The following MPRIP variants were observed in gnomAD, a reference collection of about 807,000 sequenced individuals.
MPRIP encodes the protein myosin phosphatase Rho interacting protein.
MPRIP carries 59 observed loss-of-function variants against 234.9 expected under a neutral mutation model. The observed-to-expected ratio is 0.25, with a 90% CI of 0.20 to 0.31. The LOEUF (loss-of-function observed/expected upper bound fraction) is 0.31, where lower values mean the gene tolerates loss of function less well. Among genes scored for constraint, MPRIP ranks in the 10% least tolerant of loss-of-function variants. MPRIP has a pLI of 1.00. For missense variants in MPRIP, 2,436 were observed against 3,071.0 expected, an observed-to-expected ratio of 0.79 and a Z score of 4.89; for synonymous variants, 1,144 against 1,263.9, an observed-to-expected ratio of 0.91 and a Z score of 2.01.
chr17:17,178,292 G>A (rs2046300771), intron 22 of MPRIP: 1 of 152,224 alleles, frequency 6.6e-6, no homozygotes, highest in Non-Finnish European at 1.5e-5. Flanking sequence ...AGGAAAAGAT[G>A]TGCTAGCTCA....
chr17:17,113,273 A>G (rs959550901), intron 3 of MPRIP, among the ~76,000 whole-genome samples: 14 of 152,252 alleles, frequency 9.2e-5, no homozygotes, highest in African/African-American at 3.1e-4. Context: ...GCTGGGGTAT[A>G]GGTCAGGTAC....
intron 3 of MPRIP, among the ~76,000 whole-genome samples, chr17:17,088,328 T>C (rs1407345468): frequency 1.3e-5 from 2 of 152,212 alleles, no homozygotes; most frequent in Non-Finnish European, 2.9e-5. Flanking sequence ...GACGGTACCC[T>C]GCAGCGTGAA....
intron 1 of MPRIP, among the ~76,000 whole-genome samples, chr17:17,056,577 A>G (rs1007587789): frequency 1.7e-4 from 26 of 148,902 alleles, no homozygotes; most frequent in Admixed American, 1.2e-3. Context: ...CCGTGCTATG[A>G]TGGGGTGAAC....
In MPRIP at chr17:17,166,005, A is replaced by G; in HGVS notation, c.4414A>G (p.Asn1472Asp). 1 of 1,304,234 alleles carries G rather than the reference A, an allele frequency of 7.7e-7. No homozygotes were observed. The highest frequency in any genetic ancestry group is 2.1e-4 in the Middle Eastern group (1 of 4,698). The allele number at this position is 1,304,234 out of a possible 1,614,324, so 80.8% of individuals were successfully genotyped here. A position where few individuals can be genotyped will look rare whatever the true frequency, so the allele number is the denominator to read the frequency against. ...AGAGCTTGGGGACTTCCAGGTCAAG[A>G]ATAGTCAGGCCCTGATGTGCCTGGA... ...VGELGDFQVK[N>D]SQALMCLENC... The change falls in exon 16 of 24, where the codon AAT (asparagine) becomes GAT (aspartate). Residue 1472 changes from asparagine to aspartate, a missense_variant. Transcript: ENST00000651222. This position sits in a 1 kb window ranked among gnomAD's most constrained non-coding sequence, Gnocchi z 4.4.
chr17:17,113,213 C>G (rs947445880), intron 3 of MPRIP, among the ~76,000 whole-genome samples: 2 of 152,180 alleles, frequency 1.3e-5, no homozygotes, highest in Non-Finnish European at 2.9e-5. Flanking sequence ...GTATAGCTCT[C>G]AAGGGTCTGT....
intron 3 of MPRIP, among the ~76,000 whole-genome samples, chr17:17,123,321 T>G (rs2090427724): frequency 6.6e-6 from 1 of 152,150 alleles, no homozygotes; most frequent in Non-Finnish European, 1.5e-5. Flanking sequence ...AACTGTACAC[T>G]TTAGGTAAAT....
At chr17:17,124,478 T>C (rs1315512199) in intron 3 of MPRIP, among the ~76,000 whole-genome samples, 1 of 152,224 alleles carries the variant, frequency 6.6e-6, no homozygotes, top group Non-Finnish European at 1.5e-5. Context: ...CCAGGGCCTG[T>C]ACTGTCAGCA....
intron 10 of MPRIP, 35 bp from the exon 11 acceptor site, chr17:17,147,284 G>A (rs201628474): frequency 6.2e-7 from 1 of 1,602,372 alleles, no homozygotes; most frequent in Middle Eastern, 1.6e-4. Flanking sequence ...TATAGGAGTT[G>A]GTAGTCGAGT....
Position 17,185,053 on chromosome 17 carries a change from G to A in MPRIP, c.*159G>A. ...TGGAATGCGTGAGGCTGGCTTCTGGGTTGTCCACACCACTCTCTGCTGTGT... is the reference window on the plus strand; with the variant it reads ...TGGAATGCGTGAGGCTGGCTTCTGGATTGTCCACACCACTCTCTGCTGTGT... On this transcript the variant is annotated 3_prime_UTR_variant, in exon 24 of 24. Coordinates refer to ENST00000651222, the MANE Select transcript of MPRIP (RefSeq NM_001364716.4). The A allele has an allele frequency of 1.9e-6, 1 of 539,654 alleles. No individual in the cohort carries two copies. The highest frequency in any genetic ancestry group is 2.7e-5 in the Admixed American group (1 of 37,082). 33.4% of individuals were successfully genotyped at this position (539,654 alleles called of 1,614,324 possible). A position where few individuals can be genotyped will look rare whatever the true frequency, so the allele number is the denominator to read the frequency against.
intron 1 of MPRIP, among the ~76,000 whole-genome samples, chr17:17,053,323 G>T (rs1236187245): frequency 6.6e-6 from 1 of 152,086 alleles, no homozygotes; most frequent in Non-Finnish European, 1.5e-5. Flanking sequence ...TCTGAAAACT[G>T]GGGGGTTATA....
Position 17,158,437 on chromosome 17 carries a change from T to C in MPRIP, c.1835T>C (p.Leu612Ser), listed in dbSNP as rs771183189. ...TCCATCCTCCTGCCCCACAGCTCGT[T>C]GCCAGAGGAAAAAAACAAGAGCAGC... ...PTTAPDVTSSLPEEKNKSSCS... is the reference protein window; with the variant it reads ...PTTAPDVTSSSPEEKNKSSCS... Residue 612 changes from leucine to serine, a missense_variant, in exon 14 of 24, where the codon TTG becomes TCG. Leu to Ser is a moderately radical substitution (Grantham distance 145, BLOSUM62 -2). Around this residue, in one of 4 missense-constraint regions of MPRIP, gnomAD observed 1,998 missense variants for 2,520.3 expected, o/e 0.79. Transcript: ENST00000651222. 1 of 1,562,614 alleles carries C rather than the reference T, an allele frequency of 6.4e-7. No individual in the cohort carries two copies. The highest frequency in any genetic ancestry group is 8.7e-7 in the Non-Finnish European group (1 of 1,154,304).
Position 17,186,449 on chromosome 17 carries a change from A to G in MPRIP, c.*1555A>G, listed in dbSNP as rs1345420084. 6.6e-6 allele frequency: 1 copy of G among 152,110 alleles called. No individual in the cohort carries two copies. 9.4% of individuals were successfully genotyped at this position (152,110 alleles called of 1,614,324 possible). On this transcript the variant is annotated 3_prime_UTR_variant, in exon 24 of 24. Transcript: ENST00000651222. ...TCACTGAAATAACTAAGTGCTCTCC[A>G]CTGGCATCGAGCCCTTTCCACAAGT...
chr17:17,116,927 A>G (rs2090296749), intron 3 of MPRIP, among the ~76,000 whole-genome samples: 1 of 152,148 alleles, frequency 6.6e-6, no homozygotes, highest in Admixed American at 6.5e-5. Context: ...CTGCCTTTGG[A>G]TTGACCCTTC....
intron 3 of MPRIP, among the ~76,000 whole-genome samples, chr17:17,124,418 G>A (rs1328579616): frequency 2.6e-5 from 4 of 152,124 alleles, no homozygotes; most frequent in East Asian, 1.9e-4. Flanking sequence ...GTGTGCACAC[G>A]CATGCACACT....
chr17:17,069,205 C>G (rs2089131410), intron 1 of MPRIP, among the ~76,000 whole-genome samples: 1 of 152,054 alleles, frequency 6.6e-6, no homozygotes, highest in South Asian at 2.1e-4. Flanking sequence ...TGGTCATTTT[C>G]TTTGTGCTGA....
chr17:17,131,652 A>C lies in MPRIP; in HGVS notation c.455A>C (p.Asn152Thr). ...LEMLMVYPRT[N>T]KQNQKKKRKV... ...ATGCTCATGGTCTATCCCCGGACCA[A>C]CAAGCAGAATCAGAAGAAGAAACGG... is the stretch of plus-strand genomic sequence containing the variant. Residue 152 changes from asparagine (N) to threonine (T), a missense_variant, in exon 5 of 24, where the codon AAC becomes ACC. Asn to Thr is a moderately conservative substitution (Grantham distance 65, BLOSUM62 0). Transcript: ENST00000651222. The C allele has an allele frequency of 4.3e-6, 7 of 1,614,168 alleles. No homozygotes were observed. The highest frequency in any genetic ancestry group is 5.9e-6 in the Non-Finnish European group (7 of 1,180,016).
At chr17:17,149,386 G>A (rs1049945293) in intron 11 of MPRIP, among the ~76,000 whole-genome samples, 9 of 151,848 alleles carry the variant, frequency 5.9e-5, no homozygotes, top group African/African-American at 1.2e-4. Context: ...CCAGCTACTC[G>A]GGAGACTGAG....
chr17:17,153,378 C>T (rs996280465), intron 12 of MPRIP, among the ~76,000 whole-genome samples: 2 of 152,132 alleles, frequency 1.3e-5, no homozygotes, highest in African/African-American at 4.8e-5. Context: ...TTCAAGGCTG[C>T]AGCCCTCGCT....
At chr17:17,139,959 G>A (rs1412720574) in intron 7 of MPRIP, among the ~76,000 whole-genome samples, 1 of 152,256 alleles carries the variant, frequency 6.6e-6, no homozygotes, top group East Asian at 1.9e-4. Flanking sequence ...TGAGGCTCAG[G>A]AGTAGGTGAC....
Sources: allele counts gnomAD v4.1 joint callset (sites outside exome capture counted in the v4.1 genomes callset), GRCh38; gene constraint gnomAD v4.1.1; regional missense constraint gnomAD v4.1.1; non-coding constraint Gnocchi (gnomAD v3.1); transcripts MANE v1.5; gene names NCBI Gene and HGNC (gene_info 2026-07-23, HGNC 2026-07-21).